COA1: variants seen among roughly 807,000 people sequenced by gnomAD.
COA1 encodes the protein cytochrome c oxidase assembly factor 1.
In COA1, 13 loss-of-function variants were observed where a neutral mutation model predicts 16.0. That is an observed-to-expected ratio of 0.81 (90% confidence interval 0.53 to 1.29). COA1 has a LOEUF of 1.29. COA1 is among the 50% of genes most tolerant of loss of function. The probability of loss-of-function intolerance (pLI) is 0.00; values close to 1 mark genes in which losing one functional copy is unlikely to be tolerated. For synonymous variants in COA1, 65 were observed against 65.7 expected, an observed-to-expected ratio of 0.99 and a Z score of 0.05; for missense variants, 179 against 177.0, an observed-to-expected ratio of 1.01 and a Z score of -0.06.
chr7:43,640,108 A>T (rs747424711), intron 5 of COA1, among the ~76,000 whole-genome samples: 1 of 152,194 alleles, frequency 6.6e-6, no homozygotes, highest in Non-Finnish European at 1.5e-5. Context: ...AACAGCAAAC[A>T]TCTATGAGAG....
intron 4 of COA1, chr7:43,641,065 G>T (rs2086922552): frequency 6.5e-6 from 1 of 153,210 alleles, no homozygotes; most frequent in African/African-American, 2.4e-5. Flanking sequence ...AACTGTCCTG[G>T]AAACCTGTTG....
intron 6 of COA1, among the ~76,000 whole-genome samples, chr7:43,611,409 T>C (rs1326897380): frequency 6.6e-6 from 1 of 152,208 alleles, no homozygotes; most frequent in Non-Finnish European, 1.5e-5. Context: ...CAGGACCCAG[T>C]AGCCACATGG....
chr7:43,612,441 C>A (rs2152984317), intron 6 of COA1, among the ~76,000 whole-genome samples: 1 of 152,312 alleles, frequency 6.6e-6, no homozygotes, highest in South Asian at 2.1e-4. Flanking sequence ...ATAATGTTGA[C>A]TCTTGGTCTC....
At chr7:43,640,507 G>A in intron 5 of COA1, 66 bp downstream of exon 5, 2 of 1,072,706 alleles carry the variant, frequency 1.9e-6, no homozygotes, top group Non-Finnish European at 2.8e-6. Flanking sequence ...TGAAAACGGA[G>A]TTGGGGTTGC....
intron 1 of COA1, among the ~76,000 whole-genome samples, chr7:43,725,011 G>C (rs552611670): frequency 6.6e-6 from 1 of 152,246 alleles, no homozygotes; most frequent in Non-Finnish European, 1.5e-5. Context: ...GGCTGAGGTG[G>C]GCAGATCACC....
At chr7:43,629,114 CT>C (rs1486347924) in intron 6 of COA1, among the ~76,000 whole-genome samples, 6 of 152,172 alleles carry the variant, frequency 3.9e-5, no homozygotes, top group African/African-American at 1.4e-4. Flanking sequence ...GTCAAAGAGT[CT>C]CCTTTCACTG....
intron 1 of COA1, among the ~76,000 whole-genome samples, chr7:43,670,588 T>C (rs1205827900): frequency 2.0e-5 from 3 of 152,150 alleles, no homozygotes; most frequent in Non-Finnish European, 4.4e-5. Context: ...CCTGAAGAAG[T>C]GTTTAGCCTA....
intron 1 of COA1, among the ~76,000 whole-genome samples, chr7:43,658,259 G>A (rs2092018303): frequency 6.6e-6 from 1 of 151,378 alleles, no homozygotes; most frequent in African/African-American, 2.4e-5. Context: ...ACCGGGAGGC[G>A]GAGGCAGGAG....
Position 43,647,526 on chromosome 7 carries a change from G to A in COA1, c.115+9C>T. The stretch of plus-strand genomic sequence containing the variant: ...AGGTCAGGCCGCAGGCGGCTAGCAG[G>A]ATACTTACTTTGAATGAGGTAATAC... On this transcript the variant is annotated intron_variant, in intron 3 of 5. Coordinates refer to ENST00000223336, the MANE Select transcript of COA1 (RefSeq NM_018224.4). 2 of 1,598,466 alleles carry A rather than the reference G, an allele frequency of 1.3e-6. No individual in the cohort carries two copies. Among genetic ancestry groups the A allele is most frequent in the South Asian group, 2.2e-5 (2 of 90,790 alleles).
intron 1 of COA1, among the ~76,000 whole-genome samples, chr7:43,709,854 G>T (rs949521918): frequency 2.0e-5 from 3 of 152,092 alleles, no homozygotes; most frequent in African/African-American, 7.2e-5. Flanking sequence ...CATAAAGCCA[G>T]CCTAGAAGGG....
At chr7:43,691,435 AAGAAAG>A (rs2094355417) in intron 1 of COA1, among the ~76,000 whole-genome samples, 4 of 112,836 alleles carry the variant, frequency 3.5e-5, no homozygotes, top group African/African-American at 1.2e-4. Context: ...GAAAGAAAGA[AAGAAAG>A]AAAGAAAGAA....
intron 1 of COA1, among the ~76,000 whole-genome samples, chr7:43,696,040 C>T (rs1360219426): frequency 6.6e-6 from 1 of 152,168 alleles, no homozygotes; most frequent in Non-Finnish European, 1.5e-5. Context: ...GCCTCACAAT[C>T]ACGGCGGAAG....
At chr7:43,675,006 G>A (rs2093445988) in intron 1 of COA1, among the ~76,000 whole-genome samples, 1 of 152,194 alleles carries the variant, frequency 6.6e-6, no homozygotes, top group South Asian at 2.1e-4. Flanking sequence ...GAACACAGGA[G>A]TAGCCCTTCA....
chr7:43,702,556 T>C (rs1476548040), intron 1 of COA1, among the ~76,000 whole-genome samples: 4 of 152,150 alleles, frequency 2.6e-5, no homozygotes, highest in African/African-American at 7.2e-5. Flanking sequence ...TCTTTCTGCT[T>C]AGGATTGCTT....
At chr7:43,637,053 T>G (rs2085996712), downstream of COA1, among the ~76,000 whole-genome samples, 1 of 152,220 alleles carries the variant, frequency 6.6e-6, no homozygotes, top group Non-Finnish European at 1.5e-5. Context: ...TCTGGGGCCT[T>G]TCTTCATGTT....
chr7:43,726,734 CAT>C (rs1247476975), intron 1 of COA1, among the ~76,000 whole-genome samples: 2 of 152,212 alleles, frequency 1.3e-5, no homozygotes, highest in East Asian at 3.8e-4. Context: ...AAATTAATCT[CAT>C]GTGCTTTTCA....
chr7:43,666,107 A>G (rs769865696), intron 1 of COA1, among the ~76,000 whole-genome samples: 1 of 152,230 alleles, frequency 6.6e-6, no homozygotes, highest in Non-Finnish European at 1.5e-5. Context: ...CCATCTGGAC[A>G]TCTTTTAGCT....
intron 6 of COA1, among the ~76,000 whole-genome samples, chr7:43,620,239 C>T (rs932832264): frequency 6.6e-6 from 1 of 151,892 alleles, no homozygotes; most frequent in Non-Finnish European, 1.5e-5. Flanking sequence ...TGGGTGTAGG[C>T]GTATCATCAA....
intron 1 of COA1, among the ~76,000 whole-genome samples, chr7:43,677,194 T>G (rs1563338232): frequency 7.1e-6 from 1 of 140,986 alleles, no homozygotes. Flanking sequence ...AGAAAAATAC[T>G]CAATTCTTTC....
Sources: allele counts gnomAD v4.1 joint callset (sites outside exome capture counted in the v4.1 genomes callset), GRCh38; gene constraint gnomAD v4.1.1; transcripts MANE v1.5; gene names NCBI Gene and HGNC (gene_info 2026-07-23, HGNC 2026-07-21).